Variants in WDR72 observed in about 807,000 individuals in gnomAD.
WDR72 encodes the protein WD repeat domain 72.
Under a neutral mutation model 124.2 loss-of-function variants are expected in WDR72, and 120 were observed. That is an observed-to-expected ratio of 0.97 (90% confidence interval 0.83 to 1.12). The LOEUF (loss-of-function observed/expected upper bound fraction) is 1.12. Ranked by LOEUF, WDR72 falls within the 50% of genes most tolerant of loss-of-function variation. The probability of loss-of-function intolerance (pLI) is 0.00; values close to 1 mark genes in which losing one functional copy is unlikely to be tolerated. For missense variants in WDR72, 1,387 were observed against 1,278.8 expected, an observed-to-expected ratio of 1.08 and a Z score of -1.29; for synonymous variants, 452 against 441.7, an observed-to-expected ratio of 1.02 and a Z score of -0.29.
intron 1 of WDR72, among the ~76,000 whole-genome samples, chr15:53,734,415 C>T (rs1326321282): frequency 6.6e-6 from 1 of 152,160 alleles, no homozygotes; most frequent in Non-Finnish European, 1.5e-5. Flanking sequence ...ATTAATCATA[C>T]TACAAAGCTA....
intron 1 of WDR72, among the ~76,000 whole-genome samples, chr15:53,736,998 AAC>A (rs67659814): frequency 0.15 from 21,797 of 140,736 alleles, 1,787 homozygotes; most frequent in Middle Eastern, 0.25. Flanking sequence ...GTAGATGTAA[AAC>A]ACACACACAC....
At chr15:53,549,602 AT>A (rs748033188) in intron 18 of WDR72, among the ~76,000 whole-genome samples, 4 of 151,700 alleles carry the variant, frequency 2.6e-5, no homozygotes, top group South Asian at 2.1e-4. Context: ...TGATTTTAGG[AT>A]TTTTTTTTAA....
chr15:53,693,081 T>A (rs1417023957), intron 13 of WDR72, among the ~76,000 whole-genome samples: 1 of 152,210 alleles, frequency 6.6e-6, no homozygotes, highest in East Asian at 1.9e-4. Context: ...ATACTGGTTA[T>A]GCTCACAAGA....
rs75778974 is a variant in WDR72 at position 53,673,392 on chromosome 15, A to C, written c.1766-7624T>G. On this transcript the variant is annotated intron_variant, in intron 13 of 19. Transcript: ENST00000360509. ...GATCAAGAGGAAATTAAGACTAAAC[A>C]ACATCACCCAGATGGATTAACACTT... is the stretch of plus-strand genomic sequence containing the variant. Among the ~76,000 whole-genome samples, 73 of 152,310 alleles carry C rather than the reference A, an allele frequency of 4.8e-4. 1 individual carries two copies. The East Asian group carries it at 0.014, about 29-fold the overall frequency.
chr15:53,695,610 G>A (rs1253359740), intron 13 of WDR72, among the ~76,000 whole-genome samples: 5 of 152,056 alleles, frequency 3.3e-5, no homozygotes, highest in Admixed American at 2.0e-4. Context: ...ACCTGGCAGC[G>A]CCACATTTTT....
At chr15:53,741,277 C>T (rs1406407294) in intron 1 of WDR72, among the ~76,000 whole-genome samples, 1 of 152,194 alleles carries the variant, frequency 6.6e-6, no homozygotes, top group Admixed American at 6.5e-5. Flanking sequence ...AAGCATTTCA[C>T]AGGTTAAAAA....
chr15:53,545,357 C>T (rs965423619), intron 18 of WDR72, among the ~76,000 whole-genome samples: 38 of 149,188 alleles, frequency 2.5e-4, no homozygotes, highest in East Asian at 1.2e-3. Context: ...GAAATAACGC[C>T]GCATATCTGC....
chr15:53,609,310 C>A (rs569435787), intron 17 of WDR72, among the ~76,000 whole-genome samples: 9 of 152,248 alleles, frequency 5.9e-5, no homozygotes, highest in Non-Finnish European at 1.0e-4. Context: ...CCTCCCTCAG[C>A]CCCGGGCATT....
chr15:53,594,546 T>C (rs1005210733), intron 18 of WDR72, among the ~76,000 whole-genome samples: 5 of 151,766 alleles, frequency 3.3e-5, no homozygotes, highest in Non-Finnish European at 5.9e-5. Context: ...AAGATAACAG[T>C]TTAATGGTTA....
chr15:53,662,731 A>G (rs2015647993), intron 14 of WDR72, among the ~76,000 whole-genome samples: 1 of 152,094 alleles, frequency 6.6e-6, no homozygotes, highest in South Asian at 2.1e-4. Context: ...CACCCATAAC[A>G]TTTCACACTT....
intron 18 of WDR72, among the ~76,000 whole-genome samples, chr15:53,565,823 A>T (rs958167379): frequency 6.6e-6 from 1 of 151,962 alleles, no homozygotes; most frequent in Non-Finnish European, 1.5e-5. Flanking sequence ...ATGTTGGTAG[A>T]TTCTGAAAAA....
In WDR72 at chr15:53,742,061, C is replaced by T. The variant is rs2018525378; in HGVS notation, c.-12-8900G>A. Among the ~76,000 whole-genome samples the T allele has an allele frequency of 2.0e-5, 3 of 152,132 alleles. No individual in the cohort carries two copies. In the South Asian group the frequency reaches 6.2e-4, roughly 32 times the overall value. Reference sequence around the variant, plus strand: ...ATAATTCTTACGATCACTTCTAATTCTGAGATTCTGAGAAAGACCAAATGA... The same window carrying T: ...ATAATTCTTACGATCACTTCTAATTTTGAGATTCTGAGAAAGACCAAATGA... On this transcript the variant is annotated intron_variant, in intron 1 of 19. Coordinates refer to ENST00000360509, the MANE Select transcript of WDR72 (RefSeq NM_182758.4).
chr15:53,584,583 A>C (rs1189677874), intron 18 of WDR72, among the ~76,000 whole-genome samples: 1 of 152,088 alleles, frequency 6.6e-6, no homozygotes, highest in African/African-American at 2.4e-5. Context: ...AAATTTGGAC[A>C]CAGGGTTTCT....
Position 53,517,646 on chromosome 15 carries a change from T to G in WDR72, c.*53A>C, listed in dbSNP as rs1264210826. The G allele has an allele frequency of 1.3e-6, 2 of 1,563,356 alleles. No homozygotes were observed. The highest frequency in any genetic ancestry group is 1.4e-5 in the African/African-American group (1 of 73,916). ...TTTATACAGTAATAAACAAATGGCA[T>G]CTTTTGGATTTCTTAATTTGTCCAA... On this transcript the variant is annotated 3_prime_UTR_variant, in exon 20 of 20. Coordinates refer to ENST00000360509, the MANE Select transcript of WDR72 (RefSeq NM_182758.4).
intron 1 of WDR72, among the ~76,000 whole-genome samples, chr15:53,741,993 G>A (rs2140881218): frequency 6.6e-6 from 1 of 152,300 alleles, no homozygotes; most frequent in South Asian, 2.1e-4. Flanking sequence ...CTCCCAAAGT[G>A]CTGGGATTAC....
chr15:53,554,564 G>A (rs1326413653), intron 18 of WDR72, among the ~76,000 whole-genome samples: 6 of 152,044 alleles, frequency 3.9e-5, no homozygotes, highest in African/African-American at 1.4e-4. Flanking sequence ...TGTGCATATT[G>A]AACTTTTCCA....
intron 13 of WDR72, among the ~76,000 whole-genome samples, chr15:53,678,620 C>T (rs1007510193): frequency 6.6e-6 from 1 of 152,196 alleles, no homozygotes; most frequent in Admixed American, 6.5e-5. Flanking sequence ...CAGAGACTTT[C>T]CGGCATCAGC....
At position 53,609,509 on chromosome 15, in the gene WDR72, A is replaced by G. The variant is rs2013440812; in HGVS notation, c.2952+4T>C. On this transcript the variant is annotated splice_donor_region_variant and intron_variant, in intron 17 of 19. Transcript: ENST00000360509. ...TAACGTCATGAATGTGAATTATATC[A>G]TACCTGCACAGACTGGTCTCTCCAA... 1.2e-6 allele frequency: 2 copies of G among 1,612,402 alleles called. No homozygotes were observed. The highest frequency in any genetic ancestry group is 2.7e-5 in the African/African-American group (2 of 74,864).
chr15:53,630,451 CA>C (rs955976241), intron 14 of WDR72, among the ~76,000 whole-genome samples: 4 of 152,078 alleles, frequency 2.6e-5, no homozygotes, highest in African/African-American at 9.7e-5. Flanking sequence ...ACTATAGACA[CA>C]AAAATCCTCA....
Sources: gnomAD v4.1 joint callset for allele counts (sites outside exome capture counted in the v4.1 genomes callset) on GRCh38, gnomAD v4.1.1 for gene constraint, MANE v1.5 for transcripts, NCBI Gene and HGNC (gene_info 2026-07-23, HGNC 2026-07-21) for gene names.